Variants in UTRN observed in about 807,000 individuals in gnomAD.
UTRN encodes utrophin.
In UTRN, 283 loss-of-function variants were observed where a neutral mutation model predicts 463.9. The ratio of observed to expected loss-of-function variants is 0.61; its 90% CI spans 0.55 to 0.67. UTRN has a LOEUF of 0.67. UTRN is among the 30% of genes least tolerant of loss of function. UTRN has a pLI of 0.00. For synonymous variants in UTRN, 1,442 were observed against 1,431.5 expected (o/e 1.01, Z -0.17); for missense variants, 3,922 against 4,084.3 (o/e 0.96, Z 1.08).
intron 53 of UTRN, among the ~76,000 whole-genome samples, chr6:144,719,418 A>G (rs1327447587): frequency 6.6e-6 from 1 of 152,128 alleles, no homozygotes; most frequent in African/African-American, 2.4e-5. Flanking sequence ...TCTACTAAAA[A>G]TATAAAAAAT....
chr6:144,644,758 A>G (rs922232961), intron 51 of UTRN, among the ~76,000 whole-genome samples: 4 of 152,238 alleles, frequency 2.6e-5, no homozygotes, highest in Non-Finnish European at 5.9e-5. Flanking sequence ...AAGAGTTGCC[A>G]GTACCAAAAT....
At chr6:144,584,499 A>AC (rs1802272847) in intron 51 of UTRN, among the ~76,000 whole-genome samples, 1 of 152,116 alleles carries the variant, frequency 6.6e-6, no homozygotes, top group African/African-American at 2.4e-5. Context: ...TGTGATCAAA[A>AC]CAACTGCCTC....
intron 3 of UTRN, among the ~76,000 whole-genome samples, chr6:144,414,875 C>G (rs1315917862): frequency 6.6e-6 from 1 of 152,174 alleles, no homozygotes; most frequent in Non-Finnish European, 1.5e-5. Flanking sequence ...ACCACCACAA[C>G]CAGCTAATTT....
intron 50 of UTRN, among the ~76,000 whole-genome samples, chr6:144,572,384 T>C (rs1287241608): frequency 6.6e-6 from 1 of 152,164 alleles, no homozygotes; most frequent in Non-Finnish European, 1.5e-5. Context: ...TTTTAGTTTT[T>C]TTAAAAAAAT....
rs1306868784 is a variant in UTRN at position 144,718,058 on chromosome 6, G to A, written c.7810-12299G>A. Among the ~76,000 whole-genome samples the A allele has an allele frequency of 2.6e-5, 4 of 152,276 alleles. No homozygotes were observed. In the East Asian group the frequency reaches 5.8e-4, roughly 22 times the overall value. Reference sequence around the variant, plus strand: ...TTTGTTCTGGCATTGGTCAACCAAAGCTCTAGGTAAAATGGCTAGAACCTT... The same window carrying A: ...TTTGTTCTGGCATTGGTCAACCAAAACTCTAGGTAAAATGGCTAGAACCTT... On this transcript the variant is annotated intron_variant, in intron 53 of 74. Transcript: ENST00000367545.
intron 48 of UTRN, among the ~76,000 whole-genome samples, chr6:144,553,787 A>G (rs893369820): frequency 3.9e-5 from 6 of 151,904 alleles, no homozygotes; most frequent in African/African-American, 7.3e-5. Flanking sequence ...GCACACACCT[A>G]TAGTCCCAGC....
Position 144,511,057 on chromosome 6 carries a change from C to T in UTRN, c.4878C>T (p.Leu1626=). 1 of 1,612,584 alleles carries T rather than the reference C, an allele frequency of 6.2e-7. No homozygotes were observed. The change falls in exon 35 of 75, where the codon CTC becomes CTT. Residue 1626 remains leucine (L), a synonymous_variant. Coordinates refer to ENST00000367545, the MANE Select transcript of UTRN (RefSeq NM_007124.3). ...EGSEPILEER[L]CVLNAGWSRV... ...GTGAGCCTATTTTAGAAGAGAGGCT[C>T]TGCGTCCTTAACGCTGGGTGGAGCC...
intron 52 of UTRN, among the ~76,000 whole-genome samples, chr6:144,687,624 G>T (rs73591939): frequency 0.015 from 2,273 of 152,126 alleles, 47 homozygotes; most frequent in African/African-American, 0.051. Flanking sequence ...TTGGCTGACG[G>T]TTTTTTCTGT....
intron 51 of UTRN, among the ~76,000 whole-genome samples, chr6:144,655,606 T>A (rs1362133120): frequency 2.0e-5 from 3 of 152,234 alleles, no homozygotes; most frequent in African/African-American, 7.2e-5. Context: ...TGCTTCACTT[T>A]AGAGGCTCCT....
chr6:144,436,823 T>A (rs4895641), intron 10 of UTRN, among the ~76,000 whole-genome samples: 1 of 141,332 alleles, frequency 7.1e-6, no homozygotes, highest in Non-Finnish European at 1.5e-5. Context: ...TAAAAATAAA[T>A]ATATATTTTA....
intron 2 of UTRN, among the ~76,000 whole-genome samples, chr6:144,397,416 G>A (rs147265310): frequency 2.0e-5 from 3 of 152,176 alleles, no homozygotes; most frequent in Admixed American, 2.0e-4. Flanking sequence ...TAAGGAGGTT[G>A]ATTTTTTTCA....
intron 2 of UTRN, among the ~76,000 whole-genome samples, chr6:144,319,561 A>C (rs1320606826): frequency 6.6e-6 from 1 of 152,074 alleles, no homozygotes; most frequent in Non-Finnish European, 1.5e-5. Context: ...TTCTATCTTC[A>C]GTTTTTGGTC....
intron 51 of UTRN, among the ~76,000 whole-genome samples, chr6:144,661,073 G>C (rs1050649014): frequency 6.6e-6 from 1 of 152,168 alleles, no homozygotes; most frequent in African/African-American, 2.4e-5. Context: ...GCAGAAAGGG[G>C]TGAAGTCCTC....
chr6:144,461,391 C>T, intron 22 of UTRN, 49 bp downstream of exon 22: 1 of 1,386,836 alleles, frequency 7.2e-7, no homozygotes, highest in Non-Finnish European at 9.5e-7. Context: ...TCTAATATCT[C>T]CTCTTACATA....
At chr6:144,651,236 G>A (rs1012913603) in intron 51 of UTRN, among the ~76,000 whole-genome samples, 1 of 151,904 alleles carries the variant, frequency 6.6e-6, no homozygotes. Flanking sequence ...GTCAATGCAG[G>A]CATTTCTGGT....
At chr6:144,732,257 T>TATATATACATATATATATATATAC (rs1562832796) in intron 54 of UTRN, among the ~76,000 whole-genome samples, 307 of 85,464 alleles carry the variant, frequency 3.6e-3, no homozygotes, top group Admixed American at 6.9e-3. Flanking sequence ...TATATATATA[T>TATATATACATATATATATATATAC]ACACACATAT....
At chr6:144,453,702 T>C (rs1381587823) in intron 18 of UTRN, 80 bp from the exon 19 acceptor site, 15 of 1,216,594 alleles carry the variant, frequency 1.2e-5, no homozygotes, top group Non-Finnish European at 1.7e-5. Context: ...AGGAGGGCCA[T>C]TCAACTTAAA....
At chr6:144,800,434 T>G (rs1219043424) in intron 64 of UTRN, among the ~76,000 whole-genome samples, 1 of 152,190 alleles carries the variant, frequency 6.6e-6, no homozygotes, top group Non-Finnish European at 1.5e-5. Flanking sequence ...CAAATTGACC[T>G]GTAAATGTCT....
intron 65 of UTRN, among the ~76,000 whole-genome samples, chr6:144,819,877 GCCTCCTCCTCCTCCTCCTCCTCCT>G (rs535515378): frequency 7.9e-6 from 1 of 127,192 alleles, no homozygotes; most frequent in Non-Finnish European, 1.6e-5. Context: ...CTCCTCCGCC[GCCTCCTCCTCCTCCTCCTCCTCCT>G]CCTCCTCCTC....
Sources: gnomAD v4.1 joint callset for allele counts (sites outside exome capture counted in the v4.1 genomes callset) on GRCh38, gnomAD v4.1.1 for gene constraint, MANE v1.5 for transcripts, NCBI Gene and HGNC (gene_info 2026-07-23, HGNC 2026-07-21) for gene names.